Variants in DOCK3 observed in about 807,000 individuals in gnomAD.
DOCK3 encodes dedicator of cytokinesis protein 3.
Under a neutral mutation model 265.6 loss-of-function variants are expected in DOCK3, and 60 were observed. The ratio of observed to expected loss-of-function variants is 0.23; its 90% confidence interval spans 0.18 to 0.28. The LOEUF is 0.28. Among genes scored for constraint, DOCK3 ranks in the 10% least tolerant of loss-of-function variants. DOCK3 has a pLI of 1.00. For synonymous variants in DOCK3, 881 were observed against 938.0 expected, an observed-to-expected ratio of 0.94 and a Z score of 1.11; for missense variants, 1,981 against 2,594.3, an observed-to-expected ratio of 0.76 and a Z score of 5.14.
intron 21 of DOCK3, among the ~76,000 whole-genome samples, chr3:51,241,788 T>C (rs1451486540): frequency 6.6e-6 from 1 of 152,212 alleles, no homozygotes; most frequent in Non-Finnish European, 1.5e-5. Flanking sequence ...GTTACATTCT[T>C]TTCTATACTA....
chr3:51,111,180 A>T (rs1328360708), intron 9 of DOCK3, among the ~76,000 whole-genome samples: 1 of 152,216 alleles, frequency 6.6e-6, no homozygotes, highest in Non-Finnish European at 1.5e-5. Context: ...GAAATCAGAG[A>T]TGACACAAAC....
At chr3:50,961,134 A>G (rs1277179057) in intron 5 of DOCK3, among the ~76,000 whole-genome samples, 1 of 152,204 alleles carries the variant, frequency 6.6e-6, no homozygotes, top group Non-Finnish European at 1.5e-5. Flanking sequence ...AAACCAGTTA[A>G]CAAGTGCGAG....
intron 27 of DOCK3, among the ~76,000 whole-genome samples, chr3:51,300,951 T>C (rs1345874396): frequency 6.6e-6 from 1 of 152,244 alleles, no homozygotes; most frequent in East Asian, 1.9e-4. Flanking sequence ...TCCTTTTCAG[T>C]TGCTTGGAGT....
chr3:50,930,315 A>G (rs2050987374), intron 4 of DOCK3, among the ~76,000 whole-genome samples: 1 of 152,238 alleles, frequency 6.6e-6, no homozygotes, highest in South Asian at 2.1e-4. Context: ...AAAATCTCAC[A>G]GCCTTGTAGT....
intron 4 of DOCK3, among the ~76,000 whole-genome samples, chr3:50,892,754 T>C (rs2048701295): frequency 6.6e-6 from 1 of 151,964 alleles, no homozygotes; most frequent in Non-Finnish European, 1.5e-5. Context: ...ACCCTAAGAT[T>C]TCTGCAGGAG....
chr3:51,353,627 A>G (rs1416869699), intron 40 of DOCK3, among the ~76,000 whole-genome samples: 2 of 151,910 alleles, frequency 1.3e-5, no homozygotes, highest in Non-Finnish European at 2.9e-5. Flanking sequence ...AAACAAAAAA[A>G]CAATACAGAC....
chr3:51,139,364 G>T (rs993630218), intron 9 of DOCK3, among the ~76,000 whole-genome samples: 1 of 152,132 alleles, frequency 6.6e-6, no homozygotes, highest in African/African-American at 2.4e-5. Context: ...TTTGATGCTT[G>T]TTGGTCCTTT....
intron 37 of DOCK3, among the ~76,000 whole-genome samples, chr3:51,340,726 T>A (rs914948551): frequency 2.0e-5 from 3 of 152,246 alleles, no homozygotes; most frequent in African/African-American, 7.2e-5. Context: ...GGTATTTCAC[T>A]GCTGTTGTTT....
chr3:51,017,890 G>GTCTTTT (rs1215183673), intron 5 of DOCK3, among the ~76,000 whole-genome samples: 1 of 151,728 alleles, frequency 6.6e-6, no homozygotes. Flanking sequence ...GGTTTTCTAT[G>GTCTTTT]TCTTTTTCTT....
intron 28 of DOCK3, 104 bp downstream of exon 28, chr3:51,310,430 C>T (rs2083003451): frequency 2.8e-6 from 3 of 1,054,666 alleles, no homozygotes; most frequent in South Asian, 2.8e-5. Flanking sequence ...AAATAAAGGC[C>T]AGGGCCATGG....
At chr3:50,873,876 A>G (rs1271693964) in intron 3 of DOCK3, among the ~76,000 whole-genome samples, 2 of 152,214 alleles carry the variant, frequency 1.3e-5, no homozygotes, top group Admixed American at 6.5e-5. Context: ...CTCCCCCAGC[A>G]TACAGAATTG....
At chr3:51,305,097 C>G (rs930044676) in intron 27 of DOCK3, among the ~76,000 whole-genome samples, 4 of 152,134 alleles carry the variant, frequency 2.6e-5, no homozygotes, top group African/African-American at 9.7e-5. Flanking sequence ...TATAATATTG[C>G]TCAAGTTTTT....
At chr3:50,801,241 T>C (rs1347355092) in intron 2 of DOCK3, among the ~76,000 whole-genome samples, 1 of 152,142 alleles carries the variant, frequency 6.6e-6, no homozygotes, top group Non-Finnish European at 1.5e-5. Context: ...CTGCTTGTTA[T>C]TCCTCCTATT....
intron 22 of DOCK3, among the ~76,000 whole-genome samples, chr3:51,257,160 C>G (rs748372624): frequency 1.5e-4 from 23 of 152,214 alleles, no homozygotes; most frequent in Non-Finnish European, 2.5e-4. Context: ...CTCACCACTT[C>G]ACACTTGTTC....
intron 5 of DOCK3, among the ~76,000 whole-genome samples, chr3:50,994,791 G>A (rs1257443593): frequency 1.3e-5 from 2 of 152,108 alleles, no homozygotes; most frequent in South Asian, 2.1e-4. Flanking sequence ...GACTTTATAG[G>A]CCTGATGTGA....
chr3:50,785,660 A>G (rs2042145283), intron 2 of DOCK3, among the ~76,000 whole-genome samples: 1 of 152,034 alleles, frequency 6.6e-6, no homozygotes, highest in African/African-American at 2.4e-5. Context: ...CTGGTATGAA[A>G]CCCACTTCAT....
At chr3:50,690,782 A>T (rs2035179222) in intron 1 of DOCK3, among the ~76,000 whole-genome samples, 1 of 151,726 alleles carries the variant, frequency 6.6e-6, no homozygotes, top group Admixed American at 6.6e-5. Context: ...AGCTGGGACT[A>T]CAGGCAGGCA....
chr3:50,793,496 A>G (rs900522304), intron 2 of DOCK3, among the ~76,000 whole-genome samples: 2 of 150,690 alleles, frequency 1.3e-5, no homozygotes, highest in Non-Finnish European at 2.9e-5. Context: ...AGGTGGGATT[A>G]CAGGCATGTG....
chr3:51,360,976 G>A (rs574898283), intron 47 of DOCK3, among the ~76,000 whole-genome samples: 25 of 152,304 alleles, frequency 1.6e-4, no homozygotes, highest in Admixed American at 4.6e-4. Flanking sequence ...AAGCCAGCCT[G>A]GTCAGCACTC....
Sources: gnomAD v4.1 joint callset for allele counts (sites outside exome capture counted in the v4.1 genomes callset) on GRCh38, gnomAD v4.1.1 for gene constraint, MANE v1.5 for transcripts, NCBI Gene and HGNC (gene_info 2026-07-23, HGNC 2026-07-21) for gene names.